The following EPHA6 variants were observed in gnomAD, a reference collection of about 807,000 sequenced individuals.
EPHA6 encodes the protein ephrin type-A receptor 6.
Under a neutral mutation model 112.0 loss-of-function variants are expected in EPHA6, and 50 were observed. The ratio of observed to expected loss-of-function variants is 0.45; its 90% CI spans 0.36 to 0.56. The LOEUF is 0.56. EPHA6 is among the 20% of genes least tolerant of loss of function. The probability of loss-of-function intolerance (pLI) is 0.00; values close to 1 mark genes in which losing one functional copy is unlikely to be tolerated. For missense variants in EPHA6, 1,280 were observed against 1,417.4 expected (o/e 0.90, Z 1.56); for synonymous variants, 529 against 490.7 (o/e 1.08, Z -1.03).
chr3:97,092,425 A>G (rs938683277), intron 3 of EPHA6, among the ~76,000 whole-genome samples: 2 of 152,086 alleles, frequency 1.3e-5, no homozygotes, highest in African/African-American at 4.8e-5. Context: ...TATGGCTTCT[A>G]TAAATTGTCT....
chr3:97,600,203 C>T (rs1421818409), intron 12 of EPHA6, among the ~76,000 whole-genome samples: 2 of 149,668 alleles, frequency 1.3e-5, no homozygotes, highest in South Asian at 2.1e-4. Flanking sequence ...ACAATCATGT[C>T]GTCTGCAAAC....
At chr3:97,207,500 C>A (rs143548789) in intron 3 of EPHA6, among the ~76,000 whole-genome samples, 3 of 152,066 alleles carry the variant, frequency 2.0e-5, no homozygotes, top group Admixed American at 1.3e-4. Context: ...ATGTTGATAA[C>A]GCATTTGTCT....
chr3:96,912,174 A>G (rs1407211352), intron 2 of EPHA6, among the ~76,000 whole-genome samples: 1 of 152,110 alleles, frequency 6.6e-6, no homozygotes, highest in Non-Finnish European at 1.5e-5. Flanking sequence ...TTATATATTT[A>G]TTTATTTATT....
chr3:97,274,544 G>T (rs1316496057), intron 5 of EPHA6, among the ~76,000 whole-genome samples: 4 of 152,178 alleles, frequency 2.6e-5, no homozygotes, highest in African/African-American at 9.7e-5. Flanking sequence ...TTTAGAGTCA[G>T]TATAAATATT....
chr3:97,719,974 G>A (rs996498390), intron 14 of EPHA6, among the ~76,000 whole-genome samples: 1 of 152,154 alleles, frequency 6.6e-6, no homozygotes, highest in African/African-American at 2.4e-5. Flanking sequence ...TGGCATTATA[G>A]AGGGGTTAAT....
intron 3 of EPHA6, among the ~76,000 whole-genome samples, chr3:97,018,485 G>A (rs1312208536): frequency 6.6e-6 from 1 of 152,190 alleles, no homozygotes; most frequent in Non-Finnish European, 1.5e-5. Context: ...TCCAATGATA[G>A]GTAAGGCCAC....
At chr3:97,639,394 T>G (rs2093981584) in intron 14 of EPHA6, among the ~76,000 whole-genome samples, 1 of 152,016 alleles carries the variant, frequency 6.6e-6, no homozygotes, top group African/African-American at 2.4e-5. Context: ...TAAAACAACT[T>G]TTGAAGTTAT....
intron 2 of EPHA6, among the ~76,000 whole-genome samples, chr3:96,966,348 G>A (rs2042120412): frequency 6.6e-6 from 1 of 152,084 alleles, no homozygotes; most frequent in Non-Finnish European, 1.5e-5. Flanking sequence ...AGCTGGCAAA[G>A]CAGAAATGTG....
Position 97,055,963 on chromosome 3 carries a change from T to G in EPHA6, c.1114+67970T>G, listed in dbSNP as rs35607639. Among the ~76,000 whole-genome samples, 1,359 of 152,260 alleles carry G rather than the reference T, an allele frequency of 8.9e-3. 7 individuals are homozygous for G. Among genetic ancestry groups the G allele is most frequent in the Non-Finnish European group, 0.015 (1,000 of 68,000 alleles). The stretch of plus-strand genomic sequence containing the variant: ...TTTAATTTCCAAATGTATTTAATTT[T>G]GTACACTTAAAATATATTCTAAACT... On this transcript the variant is annotated intron_variant, in intron 3 of 17. Transcript: ENST00000389672.
chr3:97,035,072 C>T (rs746028494), intron 3 of EPHA6, among the ~76,000 whole-genome samples: 1 of 151,914 alleles, frequency 6.6e-6, no homozygotes, highest in Non-Finnish European at 1.5e-5. Context: ...GTTTTGCTCT[C>T]AATTAAGATT....
At chr3:97,288,924 AT>A (rs374397667) in intron 5 of EPHA6, among the ~76,000 whole-genome samples, 1,795 of 111,286 alleles carry the variant, frequency 0.016, 39 homozygotes, top group African/African-American at 0.057. Flanking sequence ...TTTAATGGGG[AT>A]TTTTTTTTTT....
chr3:97,556,625 A>G (rs2093114134), intron 11 of EPHA6, among the ~76,000 whole-genome samples: 1 of 152,010 alleles, frequency 6.6e-6, no homozygotes, highest in Non-Finnish European at 1.5e-5. Context: ...CCCAGGACAC[A>G]TGGGGATTAT....
intron 14 of EPHA6, among the ~76,000 whole-genome samples, chr3:97,694,717 C>A (rs541666278): frequency 6.6e-6 from 1 of 152,362 alleles, no homozygotes; most frequent in South Asian, 2.1e-4. Context: ...TTGCAGGCTG[C>A]AGAAACTTCC....
At chr3:96,887,718 C>T (rs754215271) in intron 2 of EPHA6, among the ~76,000 whole-genome samples, 4 of 151,982 alleles carry the variant, frequency 2.6e-5, no homozygotes, top group African/African-American at 7.3e-5. Flanking sequence ...CAGGTCAGGG[C>T]GGGGCTAGGT....
At chr3:96,854,451 G>A (rs2035577899) in intron 1 of EPHA6, among the ~76,000 whole-genome samples, 1 of 151,670 alleles carries the variant, frequency 6.6e-6, no homozygotes, top group South Asian at 2.1e-4. Flanking sequence ...ATCTAAATTA[G>A]ATTTATAGCA....
intron 14 of EPHA6, among the ~76,000 whole-genome samples, chr3:97,644,791 A>T (rs1352137934): frequency 6.6e-6 from 1 of 151,874 alleles, no homozygotes; most frequent in Non-Finnish European, 1.5e-5. Context: ...TTGTGGCAAT[A>T]ATCAATAGTT....
At chr3:97,155,708 A>T (rs542029267) in intron 3 of EPHA6, among the ~76,000 whole-genome samples, 9 of 152,240 alleles carry the variant, frequency 5.9e-5, no homozygotes, top group African/African-American at 2.2e-4. Flanking sequence ...TGGTTGTAGG[A>T]ATGAGGTCCT....
At chr3:97,154,350 T>C (rs1361531513) in intron 3 of EPHA6, among the ~76,000 whole-genome samples, 1 of 152,150 alleles carries the variant, frequency 6.6e-6, no homozygotes, top group Non-Finnish European at 1.5e-5. Context: ...TTTATTTTCT[T>C]TTAAATTGGC....
intron 2 of EPHA6, among the ~76,000 whole-genome samples, chr3:96,949,480 C>G (rs1190212442): frequency 6.6e-6 from 1 of 151,886 alleles, no homozygotes; most frequent in Non-Finnish European, 1.5e-5. Flanking sequence ...CATGATGGGA[C>G]TTTTTGAGAA....
Sources: allele counts gnomAD v4.1 joint callset (sites outside exome capture counted in the v4.1 genomes callset), GRCh38; gene constraint gnomAD v4.1.1; transcripts MANE v1.5; gene names NCBI Gene and HGNC (gene_info 2026-07-23, HGNC 2026-07-21).